Variants in HAVCR2 observed in about 807,000 individuals in gnomAD.
HAVCR2 encodes the protein hepatitis A virus cellular receptor 2, also known as T cell immunoglobulin mucin 3.
Under a neutral mutation model 24.7 loss-of-function variants are expected in HAVCR2, and 13 were observed. The ratio of observed to expected loss-of-function variants is 0.53; its 90% CI spans 0.34 to 0.84. The LOEUF is 0.84. HAVCR2 is among the 40% of genes least tolerant of loss of function. The pLI, the probability that HAVCR2 is intolerant of heterozygous loss-of-function variation, is 0.01. For synonymous variants in HAVCR2, 154 were observed against 143.4 expected, an observed-to-expected ratio of 1.07 and a Z score of -0.53; for missense variants, 343 against 371.2, an observed-to-expected ratio of 0.92 and a Z score of 0.62.
chr5:157,095,423 T>C lies in HAVCR2; in HGVS notation c.559A>G (p.Arg187Gly). 1.2e-6 allele frequency: 2 copies of C among 1,613,958 alleles called. No homozygotes were observed. The highest frequency in any genetic ancestry group is 1.7e-6 in the Non-Finnish European group (2 of 1,179,858). ...STLANELRDS[R>G]LANDLRDSGA... ...GAGTCCCGTAAGTCATTGGCCAATC[T>C]AGAGTCCCGTAACTCATTGGCCAAT... Residue 187 changes from arginine to glycine, a missense_variant, in exon 5 of 7, where the codon AGA becomes GGA. Arg to Gly is a moderately radical substitution (Grantham distance 125). Coordinates refer to ENST00000307851, the MANE Select transcript of HAVCR2 (RefSeq NM_032782.5).
At position 157,087,058 on chromosome 5, in the gene HAVCR2, C is replaced by A; in HGVS notation, c.*44G>T. Reference sequence around the variant, plus strand: ...AGTCAGGTGACACAGCTCATAGTTTCTGAAAAAGACAAAACACCAAGCTCA... The same window carrying A: ...AGTCAGGTGACACAGCTCATAGTTTATGAAAAAGACAAAACACCAAGCTCA... On this transcript the variant is annotated 3_prime_UTR_variant, in exon 7 of 7. Transcript: ENST00000307851. 1 of 1,581,368 alleles carries A rather than the reference C, an allele frequency of 6.3e-7. No individual in the cohort carries two copies. The highest frequency in any genetic ancestry group is 2.2e-5 in the East Asian group (1 of 44,612).
chr5:157,105,700 T>C (rs979795036), intron 2 of HAVCR2, among the ~76,000 whole-genome samples: 3 of 152,172 alleles, frequency 2.0e-5, no homozygotes, highest in African/African-American at 7.2e-5. Flanking sequence ...GGGCACAAAG[T>C]ACATGTTATA....
chr5:157,095,521 T>A, intron 4 of HAVCR2, 62 bp from the exon 5 acceptor site: 1 of 1,584,322 alleles, frequency 6.3e-7, no homozygotes, highest in South Asian at 1.1e-5. Flanking sequence ...GTAATCAGCT[T>A]CAAGATTTGT....
intron 4 of HAVCR2, 92 bp downstream of exon 4, chr5:157,098,766 A>T: frequency 1.7e-6 from 2 of 1,187,344 alleles, no homozygotes; most frequent in Non-Finnish European, 2.4e-6. Flanking sequence ...AAGGCTTTTT[A>T]CCCCAAGGAC....
intron 5 of HAVCR2, among the ~76,000 whole-genome samples, chr5:157,092,913 A>AAAAAAAAAATAAAAAT (rs1561619880): frequency 1.6e-5 from 2 of 122,972 alleles, no homozygotes; most frequent in African/African-American, 6.2e-5. Context: ...AAAAAAAAAA[A>AAAAAAAAAATAAAAAT]AAAAACTAGC....
intron 5 of HAVCR2, among the ~76,000 whole-genome samples, chr5:157,089,549 AC>A (rs369498979): frequency 6.7e-6 from 1 of 149,924 alleles, no homozygotes; most frequent in South Asian, 2.1e-4. Flanking sequence ...AAAAAAAAAA[AC>A]AACAACAAAA....
At chr5:157,091,370 G>A (rs765390182) in intron 5 of HAVCR2, among the ~76,000 whole-genome samples, 14 of 151,924 alleles carry the variant, frequency 9.2e-5, no homozygotes, top group South Asian at 2.1e-4. Flanking sequence ...ACTTGAACCC[G>A]GGGAGGCAGA....
At chr5:157,101,049 T>G (rs924944083) in intron 3 of HAVCR2, among the ~76,000 whole-genome samples, 2 of 150,882 alleles carry the variant, frequency 1.3e-5, no homozygotes, top group African/African-American at 4.9e-5. Context: ...TGAGCCGAGA[T>G]CACACCATTG....
At chr5:157,096,507 G>A (rs750184641) in intron 4 of HAVCR2, among the ~76,000 whole-genome samples, 28 of 151,962 alleles carry the variant, frequency 1.8e-4, no homozygotes, top group African/African-American at 2.7e-4. Flanking sequence ...GGCCAGGTGC[G>A]GTGGCTCACG....
At chr5:157,100,971 C>T (rs916144862) in intron 3 of HAVCR2, among the ~76,000 whole-genome samples, 12 of 152,114 alleles carry the variant, frequency 7.9e-5, no homozygotes, top group African/African-American at 2.2e-4. Context: ...TGGTGTACGC[C>T]TGTAGTCCCA....
intron 3 of HAVCR2, among the ~76,000 whole-genome samples, chr5:157,099,431 A>G (rs971979115): frequency 1.3e-5 from 2 of 151,744 alleles, no homozygotes; most frequent in Admixed American, 6.6e-5. Context: ...TAATTTTTGT[A>G]TTTTTAGTAG....
intron 2 of HAVCR2, among the ~76,000 whole-genome samples, chr5:157,105,544 T>C (rs1462775121): frequency 6.6e-6 from 1 of 152,196 alleles, no homozygotes; most frequent in Non-Finnish European, 1.5e-5. Context: ...TTTAATAAAA[T>C]ATTATCACAT....
intron 5 of HAVCR2, among the ~76,000 whole-genome samples, chr5:157,092,391 G>A (rs1002083590): frequency 1.3e-5 from 2 of 151,890 alleles, no homozygotes; most frequent in Non-Finnish European, 2.9e-5. Flanking sequence ...AAGCCCAGGA[G>A]TTTGAGACCA....
intron 3 of HAVCR2, among the ~76,000 whole-genome samples, chr5:157,101,044 C>T (rs1204001544): frequency 1.3e-5 from 2 of 151,280 alleles, no homozygotes; most frequent in South Asian, 2.1e-4. Context: ...TGCAGTGAGC[C>T]GAGATCACAC....
chr5:157,090,371 G>A (rs1321271067), intron 5 of HAVCR2, among the ~76,000 whole-genome samples: 5 of 151,892 alleles, frequency 3.3e-5, no homozygotes, highest in African/African-American at 9.7e-5. Context: ...AAGGCAGGTG[G>A]ATTTCTTGAG....
intron 6 of HAVCR2, among the ~76,000 whole-genome samples, chr5:157,087,741 T>C (rs113312616): frequency 0.04 from 6,068 of 151,754 alleles, 299 homozygotes; most frequent in African/African-American, 0.12. Flanking sequence ...CCGTCTCTAC[T>C]AAACATACAA....
intron 4 of HAVCR2, among the ~76,000 whole-genome samples, chr5:157,096,071 C>G (rs925855180): frequency 1.3e-5 from 2 of 151,666 alleles, no homozygotes; most frequent in Admixed American, 1.3e-4. Flanking sequence ...ACTAAAAATA[C>G]AAAACTTAGC....
At chr5:157,091,399 T>C (rs1471557194) in intron 5 of HAVCR2, among the ~76,000 whole-genome samples, 1 of 151,542 alleles carries the variant, frequency 6.6e-6, no homozygotes, top group Non-Finnish European at 1.5e-5. Context: ...TGAGCCAAGA[T>C]TGCACCATTG....
chr5:157,092,686 T>C (rs1295476085), intron 5 of HAVCR2, among the ~76,000 whole-genome samples: 1 of 151,558 alleles, frequency 6.6e-6, no homozygotes, highest in African/African-American at 2.4e-5. Context: ...CCTCAGGTTA[T>C]CCACTCACCT....
Sources: allele counts gnomAD v4.1 joint callset (sites outside exome capture counted in the v4.1 genomes callset), GRCh38; gene constraint gnomAD v4.1.1; transcripts MANE v1.5; gene names NCBI Gene and HGNC (gene_info 2026-07-23, HGNC 2026-07-21).